Variants in HSPA12A observed in about 807,000 individuals in gnomAD.
HSPA12A encodes the protein heat shock 70 kDa protein 12A.
Under a neutral mutation model 69.2 loss-of-function variants are expected in HSPA12A, and 28 were observed. That is an observed-to-expected ratio of 0.40 (90% confidence interval 0.30 to 0.55). The LOEUF is 0.55. Among genes scored for constraint, HSPA12A ranks in the 20% least tolerant of loss-of-function variants. HSPA12A has a pLI of 0.38. For synonymous variants in HSPA12A, 345 were observed against 370.5 expected (o/e 0.93, Z 0.79); for missense variants, 686 against 900.7 (o/e 0.76, Z 3.05).
At chr10:116,793,461 T>C (rs1417951992) in intron 2 of HSPA12A, among the ~76,000 whole-genome samples, 1 of 152,076 alleles carries the variant, frequency 6.6e-6, no homozygotes, top group Admixed American at 6.6e-5. Context: ...GTACCAGCTA[T>C]TCAGGAAGGT....
chr10:116,726,966 C>T (rs1285579441), intron 1 of HSPA12A, among the ~76,000 whole-genome samples: 2 of 152,208 alleles, frequency 1.3e-5, no homozygotes, highest in Non-Finnish European at 2.9e-5. Flanking sequence ...TTCCAAGACA[C>T]TTATGTTTTC....
At chr10:116,725,352 C>G (rs972964658) in intron 1 of HSPA12A, among the ~76,000 whole-genome samples, 2 of 152,166 alleles carry the variant, frequency 1.3e-5, no homozygotes, top group Admixed American at 1.3e-4. Flanking sequence ...CCTCCATGGA[C>G]CCAGCTCCAC....
chr10:116,719,254 A>G (rs782550389), intron 1 of HSPA12A, among the ~76,000 whole-genome samples: 14 of 152,220 alleles, frequency 9.2e-5, no homozygotes, highest in Non-Finnish European at 1.9e-4. Flanking sequence ...TGTGACCCAC[A>G]GTCCTGACTG....
intron 2 of HSPA12A, among the ~76,000 whole-genome samples, chr10:116,760,655 C>T (rs1234079180): frequency 6.6e-6 from 1 of 152,198 alleles, no homozygotes; most frequent in Non-Finnish European, 1.5e-5. Context: ...CTTCTCAACA[C>T]CTCAGTTTTC....
At chr10:116,729,768 T>C (rs1466086241) in intron 1 of HSPA12A, among the ~76,000 whole-genome samples, 3 of 152,230 alleles carry the variant, frequency 2.0e-5, no homozygotes, top group Non-Finnish European at 4.4e-5. Flanking sequence ...TGTATCTACA[T>C]TTGTCAAAAC....
intron 2 of HSPA12A, among the ~76,000 whole-genome samples, chr10:116,773,675 G>A (rs1334571654): frequency 6.6e-6 from 1 of 152,222 alleles, no homozygotes; most frequent in Non-Finnish European, 1.5e-5. Context: ...TGCAGCCTGA[G>A]AAAGTCTTTC....
Position 116,673,392 on chromosome 10 carries a change from A to G in HSPA12A, c.*1389T>C, listed in dbSNP as rs1849140034. 1 of 152,092 alleles carries G rather than the reference A, an allele frequency of 6.6e-6. No individual in the cohort carries two copies. Among genetic ancestry groups the G allele is most frequent in the African/African-American group, 2.4e-5 (1 of 41,404 alleles). The allele number at this position is 152,092 out of a possible 1,614,324, so 9.4% of individuals were successfully genotyped here. ...GACCAAGAGGGCAAGGTATGGGGTC[A>G]CCTTCTCATGGAAGCCCTCTTCCTA... On this transcript the variant is annotated 3_prime_UTR_variant, in exon 12 of 12. Transcript: ENST00000369209.
intron 2 of HSPA12A, among the ~76,000 whole-genome samples, chr10:116,791,126 A>G (rs1844693147): frequency 6.6e-6 from 1 of 152,284 alleles, no homozygotes; most frequent in East Asian, 1.9e-4. Context: ...CTGTGTCCCC[A>G]ACACCCAGGA....
At chr10:116,704,027 G>A (rs192240319) in intron 3 of HSPA12A, among the ~76,000 whole-genome samples, 11 of 152,306 alleles carry the variant, frequency 7.2e-5, no homozygotes, top group East Asian at 3.9e-4. Flanking sequence ...CTGTAAACTC[G>A]TTCAACCATT....
At chr10:116,842,199 C>G (rs1199921771) in intron 1 of HSPA12A, among the ~76,000 whole-genome samples, 1 of 152,170 alleles carries the variant, frequency 6.6e-6, no homozygotes, top group Non-Finnish European at 1.5e-5. Flanking sequence ...AATACTCATT[C>G]AAGTGCAGCA....
chr10:116,785,949 CCTCCCCTGCTTACAT>C (rs761613847), intron 2 of HSPA12A, among the ~76,000 whole-genome samples: 8 of 152,168 alleles, frequency 5.3e-5, no homozygotes, highest in Non-Finnish European at 1.2e-4. Flanking sequence ...GGTCTAGCAT[CCTCCCCTGCTTACAT>C]CTCTTTGTGG....
intron 2 of HSPA12A, among the ~76,000 whole-genome samples, chr10:116,758,442 C>T (rs1398091483): frequency 1.3e-5 from 2 of 152,150 alleles, no homozygotes; most frequent in African/African-American, 4.8e-5. Flanking sequence ...TGCCCAGGAC[C>T]ACCCGGCCAG....
At chr10:116,699,929 T>C (rs782517951) in intron 4 of HSPA12A, among the ~76,000 whole-genome samples, 2 of 152,254 alleles carry the variant, frequency 1.3e-5, no homozygotes, top group African/African-American at 2.4e-5. Flanking sequence ...TTCCCACTTA[T>C]GTTTGCTTTG....
chr10:116,801,726 T>C (rs768095825), intron 2 of HSPA12A, among the ~76,000 whole-genome samples: 8 of 151,752 alleles, frequency 5.3e-5, no homozygotes, highest in East Asian at 1.9e-4. Context: ...TAAAATATCA[T>C]AGAACTATTC....
intron 2 of HSPA12A, among the ~76,000 whole-genome samples, chr10:116,814,772 G>A (rs1476020386): frequency 1.3e-5 from 2 of 152,166 alleles, no homozygotes; most frequent in Non-Finnish European, 2.9e-5. Flanking sequence ...TTGCGAGATT[G>A]GGATCATCTT....
chr10:116,759,586 C>T (rs1312054917), intron 2 of HSPA12A, among the ~76,000 whole-genome samples: 3 of 152,200 alleles, frequency 2.0e-5, no homozygotes, highest in Non-Finnish European at 4.4e-5. Context: ...AAATTCAGGG[C>T]TCTTCCATCA....
At chr10:116,774,579 G>C (rs958887181) in intron 2 of HSPA12A, among the ~76,000 whole-genome samples, 10 of 152,208 alleles carry the variant, frequency 6.6e-5, no homozygotes. Flanking sequence ...GTGCTCTTGG[G>C]TCTCTTCACA....
intron 6 of HSPA12A, among the ~76,000 whole-genome samples, chr10:116,689,232 GC>G (rs1849664905): frequency 6.8e-5 from 1 of 14,630 alleles, no homozygotes; most frequent in African/African-American, 3.3e-4. Context: ...TTCAAGTTCA[GC>G]CCCCACCACT....
At chr10:116,687,484 G>T (rs1849609131) in intron 6 of HSPA12A, among the ~76,000 whole-genome samples, 3 of 152,132 alleles carry the variant, frequency 2.0e-5, no homozygotes, top group South Asian at 2.1e-4. Flanking sequence ...GTGAGAAGAG[G>T]CAGCGGACTC....
Sources: allele counts gnomAD v4.1 joint callset (sites outside exome capture counted in the v4.1 genomes callset), GRCh38; gene constraint gnomAD v4.1.1; transcripts MANE v1.5; gene names NCBI Gene and HGNC (gene_info 2026-07-23, HGNC 2026-07-21).